Variants in PRMT8 observed in about 807,000 individuals in gnomAD.
PRMT8 encodes the protein protein arginine methyltransferase 8.
A neutral mutation model predicts 47.1 loss-of-function variants in PRMT8; 7 were observed. The ratio of observed to expected loss-of-function variants is 0.15; its 90% CI spans 0.08 to 0.28. The LOEUF is 0.28. Among genes scored for constraint, PRMT8 ranks in the 10% least tolerant of loss-of-function variants. The pLI is 1.00. For synonymous variants in PRMT8, 188 were observed against 186.5 expected, an observed-to-expected ratio of 1.01 and a Z score of -0.07; for missense variants, 237 against 505.4, an observed-to-expected ratio of 0.47 and a Z score of 5.09.
intron 1 of PRMT8, among the ~76,000 whole-genome samples, chr12:3,533,321 C>T (rs965233077): frequency 1.3e-5 from 2 of 152,176 alleles, no homozygotes; most frequent in South Asian, 2.1e-4. Flanking sequence ...AAGACAACAC[C>T]GTCTCGCAGG....
At position 3,564,808 on chromosome 12, in the gene PRMT8, A is replaced by T. The variant is rs1176731089; in HGVS notation, c.482-3898A>T. 1.3e-5 allele frequency among the ~76,000 whole-genome samples: 2 copies of T among 152,236 alleles called. No homozygotes were observed. The highest frequency in any genetic ancestry group is 4.8e-5 in the African/African-American group (2 of 41,464). ...TTAGACCCCCTTGAAAATCCTTTGC[A>T]TGGAGGAGAAGGGAAGACTGCTGCT... On this transcript the variant is annotated intron_variant, in intron 4 of 9. Transcript: ENST00000382622. This position sits in a 1 kb window ranked among gnomAD's most constrained non-coding sequence, Gnocchi z 4.0.
intron 1 of PRMT8, among the ~76,000 whole-genome samples, chr12:3,429,191 A>C (rs925853824): frequency 1.3e-5 from 2 of 152,160 alleles, no homozygotes; most frequent in African/African-American, 4.8e-5. Flanking sequence ...GTCTATGTAC[A>C]GGAACTGGTC....
intron 1 of PRMT8, among the ~76,000 whole-genome samples, chr12:3,419,992 A>AG (rs1490612417): frequency 6.3e-5 from 4 of 63,206 alleles, no homozygotes; most frequent in African/African-American, 2.5e-4. Flanking sequence ...AGAGGGGGAG[A>AG]GGGGAGAGGG....
rs2045327530 is a variant in PRMT8 at position 3,493,125 on chromosome 12, CG to C, written c.75+1428del. 1.3e-5 allele frequency among the ~76,000 whole-genome samples: 2 copies of C among 152,180 alleles called. No individual in the cohort carries two copies. The highest frequency in any genetic ancestry group is 4.8e-5 in the African/African-American group (2 of 41,446). On this transcript the variant is annotated intron_variant, in intron 1 of 9. Transcript: ENST00000382622. This position sits in a 1 kb window ranked among gnomAD's most constrained non-coding sequence, Gnocchi z 8.2. ...TGTCAATTTCAAAACAAACACGCTC[CG>C]GGACTTGAACGCAGCGGGGCATTCA...
chr12:3,455,596 C>T (rs1183344861), intron 1 of PRMT8, among the ~76,000 whole-genome samples: 2 of 152,188 alleles, frequency 1.3e-5, no homozygotes, highest in African/African-American at 2.4e-5. Flanking sequence ...ATGGAGGAGG[C>T]ACCACGCTAG....
chr12:3,554,447 C>A (rs1357508508), intron 4 of PRMT8, among the ~76,000 whole-genome samples: 2 of 152,194 alleles, frequency 1.3e-5, no homozygotes, highest in Non-Finnish European at 2.9e-5. Flanking sequence ...GCACTAGCCC[C>A]CTGTAGGCAT....
chr12:3,549,330 ATTAGG>A (rs1164412538), intron 2 of PRMT8, among the ~76,000 whole-genome samples: 3 of 152,208 alleles, frequency 2.0e-5, no homozygotes, highest in Non-Finnish European at 4.4e-5. Flanking sequence ...TTGATGATGA[ATTAGG>A]TAAAAGCGTT....
rs530725138 is a variant in PRMT8 at position 3,508,598 on chromosome 12, C to T, written c.75+16898C>T. Among the ~76,000 whole-genome samples the T allele has an allele frequency of 6.7e-4, 102 of 152,258 alleles. No individual in the cohort carries two copies. The highest frequency in any genetic ancestry group is 2.5e-3 in the African/African-American group (102 of 41,548). On this transcript the variant is annotated intron_variant, in intron 1 of 9. Transcript: ENST00000382622. The surrounding 1 kb of genome is among the most constrained non-coding windows in gnomAD (Gnocchi z 4.9). ...CCCTGACTTTGCAGCTGATGTGCTT[C>T]GTTGATTCTGTGAGTTGTGGTGCTG...
At chr12:3,540,170 C>T (rs528072072) in intron 1 of PRMT8, among the ~76,000 whole-genome samples, 3 of 152,234 alleles carry the variant, frequency 2.0e-5, no homozygotes, top group East Asian at 3.9e-4. Flanking sequence ...ATAAGTTTGC[C>T]CAAAGTTGTA....
At chr12:3,387,180 C>A (rs1197358429) in intron 1 of PRMT8, among the ~76,000 whole-genome samples, 1 of 152,200 alleles carries the variant, frequency 6.6e-6, no homozygotes, top group Non-Finnish European at 1.5e-5. Context: ...TAGGGCCTGC[C>A]TTCTCTTCAA....
intron 1 of PRMT8, among the ~76,000 whole-genome samples, chr12:3,403,894 AAAAAG>A (rs1455840905): frequency 6.7e-6 from 1 of 149,572 alleles, no homozygotes; most frequent in African/African-American, 2.4e-5. Flanking sequence ...AAAAAAAAAA[AAAAAG>A]AGAGAGAAAA....
At chr12:3,509,141 C>T (rs927159831) in intron 1 of PRMT8, among the ~76,000 whole-genome samples, 3 of 152,156 alleles carry the variant, frequency 2.0e-5, no homozygotes, top group Non-Finnish European at 4.4e-5. Context: ...TTCTCCCTTC[C>T]TTAAACCCCA....
At chr12:3,458,596 C>T (rs909192292) in intron 1 of PRMT8, among the ~76,000 whole-genome samples, 1 of 152,254 alleles carries the variant, frequency 6.6e-6, no homozygotes, top group African/African-American at 2.4e-5. Context: ...CTTTTTGAGC[C>T]AATCAGACCT....
intron 1 of PRMT8, among the ~76,000 whole-genome samples, chr12:3,383,051 T>G (rs948199570): frequency 2.0e-5 from 3 of 152,256 alleles, no homozygotes; most frequent in Admixed American, 1.3e-4. Context: ...CTCTCTATTC[T>G]GTTCCAGTGA....
At chr12:3,422,475 A>C (rs1864553131) in intron 1 of PRMT8, among the ~76,000 whole-genome samples, 1 of 152,158 alleles carries the variant, frequency 6.6e-6, no homozygotes, top group Non-Finnish European at 1.5e-5. Context: ...ATATCCAAAA[A>C]CCGAGCTCCC....
intron 1 of PRMT8, among the ~76,000 whole-genome samples, chr12:3,457,887 G>A (rs1343414670): frequency 7.1e-6 from 1 of 140,434 alleles, no homozygotes; most frequent in Non-Finnish European, 1.5e-5. Flanking sequence ...TCTGTTGCCA[G>A]GCTGGAGTGC....
Position 3,550,408 on chromosome 12 carries a change from C to T in PRMT8, c.417+317C>T, listed in dbSNP as rs1350685124. The T allele has an allele frequency of 6.8e-6, 2 of 292,150 alleles. No individual in the cohort carries two copies. Among genetic ancestry groups the T allele is most frequent in the East Asian group, 1.2e-4 (2 of 16,982 alleles). 18.1% of individuals were successfully genotyped at this position (292,150 alleles called of 1,614,324 possible). A position where few individuals can be genotyped will look rare whatever the true frequency, so the allele number is the denominator to read the frequency against. On this transcript the variant is annotated intron_variant, in intron 3 of 9. Coordinates refer to ENST00000382622, the MANE Select transcript of PRMT8 (RefSeq NM_019854.5). This position sits in a 1 kb window ranked among gnomAD's most constrained non-coding sequence, Gnocchi z 5.1. ...TTCAGAGGCAGTGCAGGTGGTTACT[C>T]GGGGGAGCTCTGGTTTGAATCTCTG... is the stretch of plus-strand genomic sequence containing the variant.
chr12:3,490,675 A>AAGAGAGAGAGAGAGAGAG (rs370069857), upstream of PRMT8, among the ~76,000 whole-genome samples: 1,336 of 120,988 alleles, frequency 0.011, 20 homozygotes, highest in Middle Eastern at 0.016. Context: ...TTTGGGTACA[A>AAGAGAGAGAGAGAGAGAG]AGAGAGAGAG....
chr12:3,446,538 G>A (rs1024165206), intron 1 of PRMT8, among the ~76,000 whole-genome samples: 6 of 152,178 alleles, frequency 3.9e-5, no homozygotes, highest in African/African-American at 1.4e-4. Context: ...CCAAGTCCCT[G>A]GTCTGGGGAC....
Sources: allele counts gnomAD v4.1 joint callset (sites outside exome capture counted in the v4.1 genomes callset), GRCh38; gene constraint gnomAD v4.1.1; non-coding constraint Gnocchi (gnomAD v3.1); transcripts MANE v1.5; gene names NCBI Gene and HGNC (gene_info 2026-07-23, HGNC 2026-07-21).